The following CX3CR1 variants were observed in gnomAD, a reference collection of about 807,000 sequenced individuals.
The protein encoded by CX3CR1 is C-X3-C motif chemokine receptor 1.
For missense variants in CX3CR1, 363 were observed against 432.4 expected, an observed-to-expected ratio of 0.84 and a Z score of 1.42; for synonymous variants, 168 against 178.5, an observed-to-expected ratio of 0.94 and a Z score of 0.47.
At position 39,266,308 on chromosome 3, in the gene CX3CR1, T is replaced by C. The variant is rs1157952021; in HGVS notation, c.202A>G (p.Ile68Val). ...NSKKPKSVTD[I>V]YLLNLALSDL... Reference sequence around the variant, plus strand: ...GACAAGGCCAGGTTCAGGAGGTAAATGTCGGTGACACTCTTGGGCTTCTTG... The same window carrying C: ...GACAAGGCCAGGTTCAGGAGGTAAACGTCGGTGACACTCTTGGGCTTCTTG... Residue 68 changes from isoleucine to valine, a missense_variant, in exon 2 of 2, where the codon ATT becomes GTT. Coordinates refer to ENST00000399220, the MANE Select transcript of CX3CR1 (RefSeq NM_001337.4). 4.3e-6 allele frequency: 7 copies of C among 1,614,046 alleles called. No homozygotes were observed. The African/African-American group carries it at 8.0e-5, about 18-fold the overall frequency.
At chr3:39,273,308 C>T (rs138344359) in intron 1 of CX3CR1, among the ~76,000 whole-genome samples, 6 of 152,212 alleles carry the variant, frequency 3.9e-5, no homozygotes, top group Non-Finnish European at 7.3e-5. Flanking sequence ...GCTCCTCTAG[C>T]CACCACTAGG....
intron 1 of CX3CR1, among the ~76,000 whole-genome samples, chr3:39,273,452 G>T (rs558314520): frequency 9.2e-5 from 14 of 152,190 alleles, no homozygotes; most frequent in Non-Finnish European, 1.9e-4. Flanking sequence ...ATATATGATA[G>T]TGCTTTTAAG....
At chr3:39,280,170 GA>G (rs1282451377), upstream of CX3CR1, 2 of 982,724 alleles carry the variant, frequency 2.0e-6, no homozygotes, top group Non-Finnish European at 2.4e-6. Context: ...CTGCCAACAG[GA>G]GGGCCTGACT....
At chr3:39,268,389 C>T (rs1043933496) in intron 1 of CX3CR1, among the ~76,000 whole-genome samples, 2 of 152,164 alleles carry the variant, frequency 1.3e-5, no homozygotes, top group Non-Finnish European at 2.9e-5. Context: ...TATTTTTGAG[C>T]CACATCCATG....
At chr3:39,283,794 A>AAAAATT (rs1491387968), upstream of CX3CR1, among the ~76,000 whole-genome samples, 28 of 58,332 alleles carry the variant, frequency 4.8e-4, no homozygotes, top group African/African-American at 1.6e-3. Flanking sequence ...AAAAAAAAAA[A>AAAAATT]TTATATATAT....
At chr3:39,278,057 C>G (rs2125556082) in intron 1 of CX3CR1, among the ~76,000 whole-genome samples, 1 of 152,320 alleles carries the variant, frequency 6.6e-6, no homozygotes, top group South Asian at 2.1e-4. Flanking sequence ...AAGCCCAGTG[C>G]ACAGTCACCA....
chr3:39,274,764 A>C (rs1217319696), intron 1 of CX3CR1, among the ~76,000 whole-genome samples: 1 of 152,198 alleles, frequency 6.6e-6, no homozygotes. Context: ...TTCTAGTCTA[A>C]GTAGAAATTA....
chr3:39,274,578 C>T (rs962945992), intron 1 of CX3CR1, among the ~76,000 whole-genome samples: 4 of 151,322 alleles, frequency 2.6e-5, no homozygotes, highest in Admixed American at 2.0e-4. Flanking sequence ...TGTTTGAAGC[C>T]CCACCCTTCC....
the CX3CR1 span, among the ~76,000 whole-genome samples, chr3:39,292,074 G>A: frequency 6.6e-6 from 1 of 152,254 alleles, no homozygotes; most frequent in Non-Finnish European, 1.5e-5. Context: ...TCTGGGCTGA[G>A]ACGGGTGTGG....
chr3:39,277,750 C>A (rs376675436), intron 1 of CX3CR1, among the ~76,000 whole-genome samples: 1 of 152,190 alleles, frequency 6.6e-6, no homozygotes, highest in African/African-American at 2.4e-5. Context: ...GATAGACGAT[C>A]GTCCTGACTG....
intron 1 of CX3CR1, among the ~76,000 whole-genome samples, chr3:39,276,846 A>G (rs1288490060): frequency 2.0e-5 from 3 of 152,226 alleles, no homozygotes; most frequent in African/African-American, 7.2e-5. Flanking sequence ...CAGTCAAACT[A>G]TAGGGAAAAG....
the CX3CR1 span, among the ~76,000 whole-genome samples, chr3:39,291,819 C>A: frequency 7.9e-5 from 12 of 152,028 alleles, no homozygotes; most frequent in Admixed American, 5.9e-4. Context: ...CACCACAGGT[C>A]ACAAATTTAC....
At chr3:39,281,674 A>T (rs1436860421), upstream of CX3CR1, 2 of 1,598,856 alleles carry the variant, frequency 1.3e-6, no homozygotes, top group Non-Finnish European at 1.7e-6. Flanking sequence ...GCCAACTTAA[A>T]CGCCTCCAGG....
intron 1 of CX3CR1, among the ~76,000 whole-genome samples, chr3:39,274,386 T>A (rs1481002489): frequency 6.8e-6 from 1 of 147,632 alleles, no homozygotes; most frequent in Non-Finnish European, 1.5e-5. Flanking sequence ...TCTATTCCTA[T>A]AGCAATGAGC....
intron 1 of CX3CR1, among the ~76,000 whole-genome samples, chr3:39,268,443 G>C (rs1213458620): frequency 6.6e-6 from 1 of 152,158 alleles, no homozygotes; most frequent in Non-Finnish European, 1.5e-5. Flanking sequence ...AACAGAAATT[G>C]CTACTTAGTG....
intron 1 of CX3CR1, among the ~76,000 whole-genome samples, chr3:39,274,344 C>T (rs1226713808): frequency 6.6e-6 from 1 of 151,842 alleles, no homozygotes; most frequent in South Asian, 2.1e-4. Flanking sequence ...CATTTTATAC[C>T]CCATCCCCTA....
At chr3:39,272,243 C>T (rs963258040) in intron 1 of CX3CR1, among the ~76,000 whole-genome samples, 6 of 152,224 alleles carry the variant, frequency 3.9e-5, no homozygotes, top group African/African-American at 1.2e-4. Context: ...CTCAGGCCTC[C>T]TTACCCACTA....
intron 1 of CX3CR1, among the ~76,000 whole-genome samples, chr3:39,276,688 C>T (rs1351682254): frequency 1.3e-5 from 2 of 152,142 alleles, no homozygotes; most frequent in Non-Finnish European, 2.9e-5. Context: ...ACAATGTTGC[C>T]GTGAAAATTT....
rs369705104 is a variant in CX3CR1 at position 39,265,916 on chromosome 3, A to G, written c.594T>C (p.Leu198=). The change falls in exon 2 of 2, where the codon CTT becomes CTC. Residue 198 remains leucine (L), a synonymous_variant. Coordinates refer to ENST00000399220, the MANE Select transcript of CX3CR1 (RefSeq NM_001337.4). The part of the protein sequence containing the change: ...PVLRNVETNF[L]GFLLPLLIMS... The stretch of plus-strand genomic sequence containing the variant: ...TAATGAGCAGGGGGAGTAGGAAGCC[A>G]AGAAAATTTGTTTCCACATTGCGGA... 76 of 1,614,122 alleles carry G rather than the reference A, an allele frequency of 4.7e-5. No homozygotes were observed. The African/African-American group carries it at 7.6e-4, about 16-fold the overall frequency.
Sources: gnomAD v4.1 joint callset for allele counts (sites outside exome capture counted in the v4.1 genomes callset) on GRCh38, gnomAD v4.1.1 for gene constraint, MANE v1.5 for transcripts, NCBI Gene and HGNC (gene_info 2026-07-23, HGNC 2026-07-21) for gene names.